The following NDUFS1 variants were observed in gnomAD, a reference collection of about 807,000 sequenced individuals.
NDUFS1 encodes NADH:ubiquinone oxidoreductase core subunit S1, also known as NADH-ubiquinone oxidoreductase 75 kDa subunit, mitochondrial.
NDUFS1 carries 61 observed loss-of-function variants against 84.4 expected under a neutral mutation model. The ratio of observed to expected loss-of-function variants is 0.72; its 90% confidence interval spans 0.59 to 0.89. The LOEUF is 0.89. NDUFS1 is among the 40% of genes least tolerant of loss of function. NDUFS1 has a pLI of 0.00. For missense variants in NDUFS1, 891 were observed against 890.0 expected (o/e 1.00, Z -0.01); for synonymous variants, 275 against 290.0 (o/e 0.95, Z 0.53).
intron 2 of NDUFS1, 73 bp from the exon 3 acceptor site, chr2:206,152,583 C>T (rs1692413869): frequency 1.5e-6 from 2 of 1,317,792 alleles, no homozygotes; most frequent in Non-Finnish European, 2.2e-6. Context: ...GATGAATTGA[C>T]TCTAACTACA....
Position 206,124,160 on chromosome 2 carries a change from C to T in NDUFS1, c.*25G>A. 1 of 1,504,416 alleles carries T rather than the reference C, an allele frequency of 6.6e-7. No homozygotes were observed. The highest frequency in any genetic ancestry group is 2.3e-5 in the East Asian group (1 of 44,330). 93.2% of individuals were successfully genotyped at this position (1,504,416 alleles called of 1,614,324 possible). A position where few individuals can be genotyped will look rare whatever the true frequency, so the allele number is the denominator to read the frequency against. ...ACAGTTGTCCATTAATTATCTGCGG[C>T]AAAACTGGGATCCTAGTAGAAGCTT... is the stretch of plus-strand genomic sequence containing the variant. On this transcript the variant is annotated 3_prime_UTR_variant, in exon 19 of 19. Transcript: ENST00000233190.
Position 206,118,954 on chromosome 2 carries a change from G to A in NDUFS1, c.*5231C>T, listed in dbSNP as rs1691024709. On this transcript the variant is annotated 3_prime_UTR_variant, in exon 19 of 19. Coordinates refer to ENST00000233190, the MANE Select transcript of NDUFS1 (RefSeq NM_005006.7). ...AACACAAAAATTAGCTGGGCGTGGT[G>A]GTGTGCTCCTGTAGTCCCAGCTACT... 6.6e-6 allele frequency: 1 copy of A among 152,296 alleles called. No individual in the cohort carries two copies. Among genetic ancestry groups the A allele is most frequent in the African/African-American group, 2.4e-5 (1 of 41,442 alleles). 9.4% of individuals were successfully genotyped at this position (152,296 alleles called of 1,614,324 possible). A position where few individuals can be genotyped will look rare whatever the true frequency, so the allele number is the denominator to read the frequency against.
At chr2:206,146,395 G>A (rs1316052293) in intron 8 of NDUFS1, among the ~76,000 whole-genome samples, 1 of 152,108 alleles carries the variant, frequency 6.6e-6, no homozygotes, top group African/African-American at 2.4e-5. Flanking sequence ...ATGATAATTT[G>A]TTATGTTTTA....
chr2:206,127,101 T>C (rs1006433105), intron 16 of NDUFS1, among the ~76,000 whole-genome samples: 4 of 152,246 alleles, frequency 2.6e-5, no homozygotes, highest in Non-Finnish European at 4.4e-5. Flanking sequence ...CCAAATGTTT[T>C]TGCTAACCTG....
chr2:206,136,989 G>A (rs965308387), intron 13 of NDUFS1, among the ~76,000 whole-genome samples: 1 of 151,696 alleles, frequency 6.6e-6, no homozygotes, highest in African/African-American at 2.4e-5. Context: ...CCGACCTCAG[G>A]TGATCCACCC....
At chr2:206,153,799 G>A in intron 1 of NDUFS1, 117 bp from the exon 2 acceptor site, 1 of 656,416 alleles carries the variant, frequency 1.5e-6, no homozygotes, top group East Asian at 2.9e-5. Context: ...ACACTCATAG[G>A]TTCTGATATT....
intron 1 of NDUFS1, 42 bp downstream of exon 1, chr2:206,159,299 T>C (rs1448486486): frequency 4.3e-6 from 3 of 691,088 alleles, no homozygotes; most frequent in Non-Finnish European, 7.6e-6. Context: ...AATAAGCCTC[T>C]GGCCGACGCA....
At chr2:206,136,428 T>A (rs58288469) in intron 13 of NDUFS1, among the ~76,000 whole-genome samples, 4 of 122,318 alleles carry the variant, frequency 3.3e-5, no homozygotes, top group African/African-American at 1.4e-4. Context: ...TAGTTGTTGG[T>A]TTTTTTTTTG....
Position 206,132,975 on chromosome 2 carries a change from C to T in NDUFS1, c.1523G>A (p.Gly508Asp), listed in dbSNP as rs1305320411. 1 of 1,613,780 alleles carries T rather than the reference C, an allele frequency of 6.2e-7. No homozygotes were observed. Among genetic ancestry groups the T allele is most frequent in the Admixed American group, 1.7e-5 (1 of 59,978 alleles). The stretch of plus-strand genomic sequence containing the variant: ...AAGGATATTCATAACTTTCCAATCA[C>T]CAGTAACACCACTAGTCATCCGAAT... Reference protein sequence around the residue: ...QKIRMTSGVTGDWKVMNILHR... With the variant: ...QKIRMTSGVTDDWKVMNILHR... The change falls in exon 14 of 19, where the codon GGT becomes GAT. Residue 508 changes from glycine to aspartate, a missense_variant. Coordinates refer to ENST00000233190, the MANE Select transcript of NDUFS1 (RefSeq NM_005006.7).
In NDUFS1 at chr2:206,147,107, G is replaced by A. The variant is rs372509597; in HGVS notation, c.552-19C>T. ...TGCAAACCTACAAGATAAAAAATGT[G>A]TCATCAATGGTCAAGTCCAGCAAAA... On this transcript the variant is annotated intron_variant, in intron 7 of 18. Transcript: ENST00000233190. The A allele has an allele frequency of 1.1e-5, 18 of 1,612,370 alleles. No homozygotes were observed. The African/African-American group carries it at 1.6e-4, about 14-fold the overall frequency.
chr2:206,133,022 A>G lies in NDUFS1; in HGVS notation c.1476T>C (p.Ala492=), dbSNP rs1691574689. The G allele has an allele frequency of 6.2e-7, 1 of 1,613,936 alleles. No homozygotes were observed. The highest frequency in any genetic ancestry group is 8.5e-7 in the Non-Finnish European group (1 of 1,179,912). The change falls in exon 14 of 19, where the codon GCT becomes GCC. Residue 492 remains alanine (A), a synonymous_variant. Coordinates refer to ENST00000233190, the MANE Select transcript of NDUFS1 (RefSeq NM_005006.7). ...QRNDGAAILA[A]VSSIAQKIRM... ...GAATCTTTTGTGCAATGCTAGAAACAGCTGCAAGAATTGCTGCTCCATCAT... is the reference window on the plus strand; with the variant it reads ...GAATCTTTTGTGCAATGCTAGAAACGGCTGCAAGAATTGCTGCTCCATCAT...
chr2:206,132,488 A>C (rs907479233), intron 14 of NDUFS1, among the ~76,000 whole-genome samples: 1 of 152,022 alleles, frequency 6.6e-6, no homozygotes, highest in Admixed American at 6.6e-5. Context: ...CTTGGGAGGC[A>C]GGGGTGGGAG....
intron 3 of NDUFS1, among the ~76,000 whole-genome samples, chr2:206,152,164 A>C (rs891375287): frequency 6.6e-6 from 1 of 152,208 alleles, no homozygotes; most frequent in Admixed American, 6.5e-5. Flanking sequence ...CTCGGACTTC[A>C]AATTTCTTAA....
In NDUFS1 at chr2:206,119,717, G is replaced by C. The variant is rs935978375; in HGVS notation, c.*4468C>G. The C allele has an allele frequency of 6.6e-6, 1 of 152,078 alleles. No homozygotes were observed. Among genetic ancestry groups the C allele is most frequent in the African/African-American group, 2.4e-5 (1 of 41,400 alleles). The allele number at this position is 152,078 out of a possible 1,614,324, so 9.4% of individuals were successfully genotyped here. A position where few individuals can be genotyped will look rare whatever the true frequency, so the allele number is the denominator to read the frequency against. On this transcript the variant is annotated 3_prime_UTR_variant, in exon 19 of 19. Coordinates refer to ENST00000233190, the MANE Select transcript of NDUFS1 (RefSeq NM_005006.7). ...GGCTTGAGCTACTGTGCCAGGCCAA[G>C]TATATTTTTAATTAATGTATTCATT...
chr2:206,129,967 A>G (rs995606465), intron 15 of NDUFS1, 121 bp downstream of exon 15: 67 of 1,092,284 alleles, frequency 6.1e-5, no homozygotes, highest in Admixed American at 1.8e-5. Flanking sequence ...AAGGAGGAGG[A>G]GTGGGGGAGG....
Position 206,147,179 on chromosome 2 carries a change from A to G in NDUFS1, c.552-91T>C, listed in dbSNP as rs1692186855. 5 of 1,286,886 alleles carry G rather than the reference A, an allele frequency of 3.9e-6. No individual in the cohort carries two copies. The South Asian group carries it at 6.0e-5, about 15-fold the overall frequency. 79.7% of individuals were successfully genotyped at this position (1,286,886 alleles called of 1,614,324 possible). ...ATCACAAAGAGATGATTTTCCAAAC[A>G]CTAAAAAGAAATGAGTATATTTTTA... On this transcript the variant is annotated intron_variant, in intron 7 of 18. Transcript: ENST00000233190.
intron 9 of NDUFS1, among the ~76,000 whole-genome samples, 165 bp downstream of exon 9, chr2:206,144,727 C>T (rs1432588931): frequency 6.6e-6 from 1 of 152,106 alleles, no homozygotes; most frequent in African/African-American, 2.4e-5. Context: ...CAGGGATTGA[C>T]CTAGGACTAT....
At chr2:206,143,950 C>CT in intron 10 of NDUFS1, 68 bp downstream of exon 10, 2 of 1,237,080 alleles carry the variant, frequency 1.6e-6, no homozygotes, top group Non-Finnish European at 2.3e-6. Context: ...ATACATCCCC[C>CT]CCTTCATGGC....
chr2:206,146,600 TA>T (rs1692162823), intron 8 of NDUFS1, among the ~76,000 whole-genome samples: 1 of 152,206 alleles, frequency 6.6e-6, no homozygotes, highest in African/African-American at 2.4e-5. Context: ...GAAAACTTAA[TA>T]AACAACAACA....
Sources: allele counts gnomAD v4.1 joint callset (sites outside exome capture counted in the v4.1 genomes callset), GRCh38; gene constraint gnomAD v4.1.1; transcripts MANE v1.5; gene names NCBI Gene and HGNC (gene_info 2026-07-23, HGNC 2026-07-21).